DSCAML1: variants seen among roughly 807,000 people sequenced by gnomAD.
The protein encoded by DSCAML1 is DS cell adhesion molecule like 1.
Under a neutral mutation model 200.5 loss-of-function variants are expected in DSCAML1, and 38 were observed. The observed-to-expected ratio is 0.19, with a 90% CI of 0.15 to 0.25. The LOEUF (loss-of-function observed/expected upper bound fraction) is 0.25, where lower values mean the gene tolerates loss of function less well. DSCAML1 is among the 10% of genes least tolerant of loss of function. The pLI, the probability that DSCAML1 is intolerant of heterozygous loss-of-function variation, is 1.00. For synonymous variants in DSCAML1, 1,215 were observed against 1,165.0 expected (o/e 1.04, Z -0.87); for missense variants, 2,223 against 2,858.8 (o/e 0.78, Z 5.07).
In DSCAML1 at chr11:117,463,380, T is replaced by TA. The variant is rs1294008333; in HGVS notation, c.3265+1561dup. On this transcript the variant is annotated intron_variant, in intron 17 of 32. Transcript: ENST00000651296. The surrounding 1 kb of genome is among the most constrained non-coding windows in gnomAD (Gnocchi z 4.0). ...TAATACATCCTTTTTTTTTTTTTTT[T>TA]AGAGATGGGGTCTTGCTGTATTGTC... 5.3e-5 allele frequency among the ~76,000 whole-genome samples: 8 copies of TA among 151,376 alleles called. No homozygotes were observed. The highest frequency in any genetic ancestry group is 2.1e-4 in the South Asian group (1 of 4,780).
intron 14 of DSCAML1, among the ~76,000 whole-genome samples, chr11:117,478,547 C>T (rs1424372320): frequency 6.6e-6 from 1 of 152,224 alleles, no homozygotes; most frequent in African/African-American, 2.4e-5. Flanking sequence ...TCTTCTAAGG[C>T]ACCATGTTTG....
chr11:117,438,815 G>A (rs1157808891), intron 24 of DSCAML1, 70 bp downstream of exon 24: 19 of 1,324,458 alleles, frequency 1.4e-5, no homozygotes, highest in Non-Finnish European at 1.8e-5. Flanking sequence ...AGAAGTGGGT[G>A]AAGCCCCTTC....
rs2048887377 is a variant in DSCAML1 at position 117,480,373 on chromosome 11, GCA to G, written c.2785+68_2785+69del. 8 of 1,592,498 alleles carry G rather than the reference GCA, an allele frequency of 5.0e-6. No individual in the cohort carries two copies. The highest frequency in any genetic ancestry group is 6.8e-6 in the Non-Finnish European group (8 of 1,168,478). On this transcript the variant is annotated intron_variant, in intron 14 of 32. Transcript: ENST00000651296. This position sits in a 1 kb window ranked among gnomAD's most constrained non-coding sequence, Gnocchi z 4.1. Reference sequence around the variant, plus strand: ...GGCTCAGGGGCTCTCCTCCCAGAGGGCACAGGCAGGACACGTGGCACAAGGGG... The same window carrying G: ...GGCTCAGGGGCTCTCCTCCCAGAGGGCAGGCAGGACACGTGGCACAAGGGG...
intron 11 of DSCAML1, among the ~76,000 whole-genome samples, chr11:117,483,603 G>T (rs1040059919): frequency 1.3e-5 from 2 of 152,200 alleles, no homozygotes; most frequent in African/African-American, 4.8e-5. Context: ...TGAGTCCTAT[G>T]CTGGGAGAAA....
At chr11:117,590,614 C>T (rs1260949066) in intron 3 of DSCAML1, among the ~76,000 whole-genome samples, 6 of 152,134 alleles carry the variant, frequency 3.9e-5, no homozygotes, top group South Asian at 2.1e-4. Context: ...GCTGTCATCT[C>T]GAGATGGAGC....
At chr11:117,459,589 C>G (rs1032741790) in intron 18 of DSCAML1, among the ~76,000 whole-genome samples, 5 of 152,240 alleles carry the variant, frequency 3.3e-5, no homozygotes, top group Admixed American at 3.3e-4. Context: ...TGGGACACTC[C>G]TGAGGCTCAG....
At chr11:117,634,372 C>A (rs1207898285) in intron 3 of DSCAML1, among the ~76,000 whole-genome samples, 1 of 152,192 alleles carries the variant, frequency 6.6e-6, no homozygotes, top group Non-Finnish European at 1.5e-5. Context: ...CAATGATATA[C>A]CCTTTCCAGC....
chr11:117,774,246 TG>T (rs1007780161), intron 3 of DSCAML1, among the ~76,000 whole-genome samples: 2 of 152,154 alleles, frequency 1.3e-5, no homozygotes, highest in African/African-American at 4.8e-5. Context: ...TTACCCTGAG[TG>T]CAGAAAGTGG....
intron 3 of DSCAML1, among the ~76,000 whole-genome samples, chr11:117,595,360 C>A (rs2051343968): frequency 2.0e-5 from 3 of 152,186 alleles, no homozygotes. Context: ...AAATGACCTG[C>A]AACCCCACCA....
At position 117,658,882 on chromosome 11, in the gene DSCAML1, G is replaced by T. The variant is rs115615060; in HGVS notation, c.511+117909C>A. On this transcript the variant is annotated intron_variant, in intron 3 of 32. Coordinates refer to ENST00000651296, the MANE Select transcript of DSCAML1 (RefSeq NM_020693.4). The stretch of plus-strand genomic sequence containing the variant: ...GCTTGAGCAAATGTTGGTTAACTGG[G>T]TGCCCCCAGGTCATGTGGTGAAGAC... Among the ~76,000 whole-genome samples, 926 of 152,294 alleles carry T rather than the reference G, an allele frequency of 6.1e-3. 8 individuals are homozygous for T. Among genetic ancestry groups the T allele is most frequent in the African/African-American group, 0.021 (878 of 41,558 alleles).
intron 3 of DSCAML1, among the ~76,000 whole-genome samples, chr11:117,696,983 G>A (rs764774741): frequency 1.3e-5 from 2 of 152,192 alleles, no homozygotes; most frequent in Non-Finnish European, 2.9e-5. Flanking sequence ...ACTAATATGG[G>A]AGCTAACATT....
chr11:117,690,758 C>G (rs2053480358), intron 3 of DSCAML1, among the ~76,000 whole-genome samples: 1 of 152,156 alleles, frequency 6.6e-6, no homozygotes, highest in Non-Finnish European at 1.5e-5. Flanking sequence ...CATCTGGAAA[C>G]AGAAAAAGGG....
intron 3 of DSCAML1, among the ~76,000 whole-genome samples, chr11:117,550,931 C>T (rs538908582): frequency 7.9e-5 from 12 of 152,376 alleles, no homozygotes; most frequent in African/African-American, 2.9e-4. Flanking sequence ...CCAGCTGACC[C>T]CAAGTCAGGG....
intron 1 of DSCAML1, among the ~76,000 whole-genome samples, chr11:117,788,401 A>C (rs1286498264): frequency 6.6e-6 from 1 of 152,168 alleles, no homozygotes; most frequent in Admixed American, 6.5e-5. Flanking sequence ...ATCTTGGCTC[A>C]CTGCAACCTC....
intron 3 of DSCAML1, among the ~76,000 whole-genome samples, chr11:117,713,834 C>T (rs1397493624): frequency 6.6e-6 from 1 of 152,076 alleles, no homozygotes; most frequent in Non-Finnish European, 1.5e-5. Context: ...GGTGGAATTA[C>T]CCCAGCACCC....
chr11:117,602,758 G>A (rs1275639800), intron 3 of DSCAML1, among the ~76,000 whole-genome samples: 7 of 152,028 alleles, frequency 4.6e-5, no homozygotes, highest in South Asian at 2.1e-4. Flanking sequence ...AGCCCCTCCC[G>A]TTGAATCACT....
chr11:117,608,068 C>T (rs528240842), intron 3 of DSCAML1, among the ~76,000 whole-genome samples: 2 of 152,174 alleles, frequency 1.3e-5, no homozygotes, highest in Non-Finnish European at 2.9e-5. Flanking sequence ...AATTCTGACC[C>T]ATGACATGTG....
intron 1 of DSCAML1, among the ~76,000 whole-genome samples, chr11:117,804,880 G>C (rs552757991): frequency 6.6e-6 from 1 of 152,274 alleles, no homozygotes; most frequent in South Asian, 2.1e-4. Flanking sequence ...TTAGTGAGCT[G>C]TGATTGTACC....
intron 4 of DSCAML1, among the ~76,000 whole-genome samples, chr11:117,526,777 A>C (rs1281955832): frequency 6.6e-6 from 1 of 152,096 alleles, no homozygotes; most frequent in African/African-American, 2.4e-5. Flanking sequence ...CGGCTTCCCA[A>C]AGTGCTGAGA....
Sources: gnomAD v4.1 joint callset for allele counts (sites outside exome capture counted in the v4.1 genomes callset) on GRCh38, gnomAD v4.1.1 for gene constraint, Gnocchi (gnomAD v3.1) non-coding constraint, MANE v1.5 for transcripts, NCBI Gene and HGNC (gene_info 2026-07-23, HGNC 2026-07-21) for gene names.